STK24: variants seen among roughly 807,000 people sequenced by gnomAD.
STK24 encodes serine/threonine-protein kinase 24.
In STK24, 21 loss-of-function variants were observed where a neutral mutation model predicts 55.6. That is an observed-to-expected ratio of 0.38 (90% CI 0.27 to 0.54). The LOEUF is 0.54. STK24 is among the 20% of genes least tolerant of loss of function. The pLI is 0.79. For missense variants in STK24, 383 were observed against 538.4 expected, an observed-to-expected ratio of 0.71 and a Z score of 2.86; for synonymous variants, 200 against 215.2, an observed-to-expected ratio of 0.93 and a Z score of 0.62.
At chr13:98,541,106 T>C (rs1249614567) in intron 1 of STK24, among the ~76,000 whole-genome samples, 1 of 152,206 alleles carries the variant, frequency 6.6e-6, no homozygotes, top group African/African-American at 2.4e-5. Context: ...CAGACCTTAG[T>C]TATAGACTAA....
intron 2 of STK24, among the ~76,000 whole-genome samples, chr13:98,484,454 C>G (rs996232295): frequency 6.6e-6 from 1 of 152,254 alleles, no homozygotes; most frequent in Admixed American, 6.5e-5. Flanking sequence ...GTAATCTCCC[C>G]GCCTCTTCTC....
chr13:98,457,724 C>G (rs1372702136), intron 9 of STK24, among the ~76,000 whole-genome samples: 10 of 152,190 alleles, frequency 6.6e-5, no homozygotes, highest in Non-Finnish European at 1.0e-4. Context: ...CCCGCCTCGG[C>G]CTCTCAAAGT....
intron 1 of STK24, among the ~76,000 whole-genome samples, chr13:98,573,226 G>C (rs1454147477): frequency 6.6e-6 from 1 of 152,218 alleles, no homozygotes; most frequent in Non-Finnish European, 1.5e-5. Context: ...TCACGGTTCA[G>C]AAAAGTTGAA....
Position 98,446,888 on chromosome 13 carries a change from C to CCAAGT in STK24, c.*6280_*6284dup. The CCAAGT allele has an allele frequency of 6.5e-7, 1 of 1,544,732 alleles. No individual in the cohort carries two copies. The highest frequency in any genetic ancestry group is 1.2e-5 in the South Asian group (1 of 86,632). ...CCTCTTCCAAACATCAGGATTTCTC[C>CCAAGT]CAAGTCAGCGAGTGAGATGGCCCCA... is the stretch of plus-strand genomic sequence containing the variant. On this transcript the variant is annotated 3_prime_UTR_variant, in exon 11 of 11. Coordinates refer to ENST00000539966, the MANE Select transcript of STK24 (RefSeq NM_001032296.4).
At chr13:98,458,363 G>A (rs1010287266) in intron 9 of STK24, among the ~76,000 whole-genome samples, 3 of 152,138 alleles carry the variant, frequency 2.0e-5, no homozygotes, top group Admixed American at 6.5e-5. Flanking sequence ...CATCTCAGGC[G>A]ACATTCAGCT....
At chr13:98,519,515 A>G (rs1316905823) in intron 1 of STK24, 42 bp from the exon 2 acceptor site, 2 of 1,455,246 alleles carry the variant, frequency 1.4e-6, no homozygotes, top group Non-Finnish European at 1.9e-6. Flanking sequence ...TTAGTCCCTC[A>G]TAGCACCACA....
chr13:98,477,674 C>CA (rs34403507), intron 3 of STK24, among the ~76,000 whole-genome samples: 1,564 of 91,822 alleles, frequency 0.017, 25 homozygotes, highest in African/African-American at 0.048. Flanking sequence ...GATTCCGTCT[C>CA]AAAAAAAAAA....
intron 1 of STK24, among the ~76,000 whole-genome samples, chr13:98,567,192 G>C (rs900242954): frequency 1.3e-5 from 2 of 152,222 alleles, no homozygotes; most frequent in Non-Finnish European, 2.9e-5. Flanking sequence ...GGCCAGCGCT[G>C]TGCAGTGCCC....
At chr13:98,531,180 T>C (rs974733028) in intron 1 of STK24, among the ~76,000 whole-genome samples, 7 of 152,224 alleles carry the variant, frequency 4.6e-5, no homozygotes, top group African/African-American at 1.7e-4. Context: ...TATTCATCCA[T>C]AAAGGTCTTC....
chr13:98,486,456 GGA>G (rs1250568403), intron 2 of STK24, among the ~76,000 whole-genome samples: 1 of 152,204 alleles, frequency 6.6e-6, no homozygotes, highest in Non-Finnish European at 1.5e-5. Context: ...GATAAGCTTG[GGA>G]AAGCAAGAGA....
At chr13:98,538,694 G>A (rs1896802075) in intron 1 of STK24, among the ~76,000 whole-genome samples, 1 of 151,924 alleles carries the variant, frequency 6.6e-6, no homozygotes, top group South Asian at 2.1e-4. Flanking sequence ...ACACATGCAT[G>A]CACACACCTG....
intron 1 of STK24, among the ~76,000 whole-genome samples, chr13:98,555,833 A>T (rs895355873): frequency 1.3e-5 from 2 of 151,016 alleles, no homozygotes; most frequent in African/African-American, 2.4e-5. Flanking sequence ...GGTGCCCGCC[A>T]CCACACCCGG....
chr13:98,534,747 C>G (rs972401861), intron 1 of STK24, among the ~76,000 whole-genome samples: 1 of 152,230 alleles, frequency 6.6e-6, no homozygotes, highest in African/African-American at 2.4e-5. Flanking sequence ...AAAAAACCCA[C>G]TTCAATCTCC....
In STK24 at chr13:98,561,109, G is replaced by A. The variant is rs577609180; in HGVS notation, c.42+15636C>T. 3.9e-5 allele frequency among the ~76,000 whole-genome samples: 6 copies of A among 152,272 alleles called. No homozygotes were observed. The East Asian group carries it at 9.7e-4, about 25-fold the overall frequency. ...TGATCCTTGTTTCGAATACAACTGGGCAAGGGGTAAGGTGCCCAGCAGGAG... is the reference window on the plus strand; with the variant it reads ...TGATCCTTGTTTCGAATACAACTGGACAAGGGGTAAGGTGCCCAGCAGGAG... On this transcript the variant is annotated intron_variant, in intron 1 of 10. Transcript: ENST00000539966.
intron 1 of STK24, among the ~76,000 whole-genome samples, chr13:98,523,784 T>C (rs1852745552): frequency 6.6e-6 from 1 of 152,262 alleles, no homozygotes; most frequent in Admixed American, 6.5e-5. Context: ...CCTGCTGTTT[T>C]GGCCACTCGG....
At chr13:98,464,599 G>A (rs1316757766) in intron 6 of STK24, among the ~76,000 whole-genome samples, 1 of 144,938 alleles carries the variant, frequency 6.9e-6, no homozygotes, top group Non-Finnish European at 1.5e-5. Flanking sequence ...CAGTTCAAAC[G>A]ATTCTCCTGC....
At chr13:98,546,714 G>A (rs1897036724) in intron 1 of STK24, among the ~76,000 whole-genome samples, 1 of 152,186 alleles carries the variant, frequency 6.6e-6, no homozygotes, top group African/African-American at 2.4e-5. Flanking sequence ...CCCATTTTCA[G>A]TTTCCAATGA....
intron 2 of STK24, among the ~76,000 whole-genome samples, chr13:98,501,752 T>C (rs983377937): frequency 6.6e-6 from 1 of 152,218 alleles, no homozygotes; most frequent in Non-Finnish European, 1.5e-5. Context: ...AATCCTCATG[T>C]ATCATCTCTA....
At chr13:98,554,103 G>A (rs1367818265) in intron 1 of STK24, among the ~76,000 whole-genome samples, 1 of 151,324 alleles carries the variant, frequency 6.6e-6, no homozygotes, top group Non-Finnish European at 1.5e-5. Flanking sequence ...GAAGGGGGAG[G>A]AAGCTGATGA....
Sources: allele counts gnomAD v4.1 joint callset (sites outside exome capture counted in the v4.1 genomes callset), GRCh38; gene constraint gnomAD v4.1.1; transcripts MANE v1.5; gene names NCBI Gene and HGNC (gene_info 2026-07-23, HGNC 2026-07-21).